FBN2: variants seen among roughly 807,000 people sequenced by gnomAD.
FBN2 encodes fibrillin-2.
Under a neutral mutation model 355.6 loss-of-function variants are expected in FBN2, and 105 were observed. That is an observed-to-expected ratio of 0.30 (90% CI 0.25 to 0.35). FBN2 has a LOEUF of 0.35. FBN2 is among the 10% of genes least tolerant of loss of function. The pLI is 1.00. For missense variants in FBN2, 3,280 were observed against 3,758.7 expected (o/e 0.87, Z 3.33); for synonymous variants, 1,350 against 1,301.2 (o/e 1.04, Z -0.81).
intron 5 of FBN2, among the ~76,000 whole-genome samples, chr5:128,494,548 C>A (rs368769609): frequency 1.1e-3 from 173 of 152,226 alleles, no homozygotes; most frequent in African/African-American, 4.0e-3. Context: ...TGTAAAAAAA[C>A]AATTAAGAAA....
At chr5:128,434,266 T>C (rs1753710441) in intron 7 of FBN2, among the ~76,000 whole-genome samples, 1 of 151,382 alleles carries the variant, frequency 6.6e-6, no homozygotes, top group East Asian at 1.9e-4. Flanking sequence ...TCAAGCATTA[T>C]CACAGCTTTG....
Position 128,313,296 on chromosome 5 carries a change from T to C in FBN2, c.4718-501A>G, listed in dbSNP as rs146124981. Among the ~76,000 whole-genome samples, 6 of 152,308 alleles carry C rather than the reference T, an allele frequency of 3.9e-5. No individual in the cohort carries two copies. The East Asian group carries it at 1.2e-3, about 29-fold the overall frequency. On this transcript the variant is annotated intron_variant, in intron 36 of 64. Transcript: ENST00000262464. ...CATCCAGATCACTCCATTGAGTCTA[T>C]GGGTTTAAATACTACTTTTTTGCTG...
At chr5:128,405,057 G>T (rs1209806932) in intron 8 of FBN2, among the ~76,000 whole-genome samples, 1 of 152,124 alleles carries the variant, frequency 6.6e-6, no homozygotes, top group Non-Finnish European at 1.5e-5. Flanking sequence ...TGTAATCCCA[G>T]TTACTCAGGA....
chr5:128,412,767 T>C (rs1046893790), intron 7 of FBN2, among the ~76,000 whole-genome samples: 7 of 152,186 alleles, frequency 4.6e-5, no homozygotes, highest in Non-Finnish European at 1.0e-4. Context: ...GAATAGTGTC[T>C]ATGAAGGAGT....
chr5:128,417,428 A>T (rs1753234669), intron 7 of FBN2, among the ~76,000 whole-genome samples: 1 of 152,118 alleles, frequency 6.6e-6, no homozygotes, highest in South Asian at 2.1e-4. Context: ...GTCTTATTCC[A>T]GTTCTTCGAG....
intron 36 of FBN2, among the ~76,000 whole-genome samples, chr5:128,317,577 A>C (rs73345205): frequency 6.7e-4 from 102 of 152,218 alleles, no homozygotes; most frequent in African/African-American, 2.4e-3. Flanking sequence ...TCTCCAGGCC[A>C]TTTCCTTCTC....
chr5:128,425,226 A>G (rs998814864), intron 7 of FBN2, among the ~76,000 whole-genome samples: 1 of 152,140 alleles, frequency 6.6e-6, no homozygotes, highest in Non-Finnish European at 1.5e-5. Context: ...TAAGCTTTAC[A>G]GGGGAATATT....
chr5:128,265,018 A>G (rs1377185844), intron 62 of FBN2, among the ~76,000 whole-genome samples: 1 of 152,232 alleles, frequency 6.6e-6, no homozygotes, highest in African/African-American at 2.4e-5. Flanking sequence ...TAATCACTGA[A>G]TATAAAAGAT....
chr5:128,287,076 T>A (rs1468919276), intron 54 of FBN2, among the ~76,000 whole-genome samples: 1 of 152,140 alleles, frequency 6.6e-6, no homozygotes, highest in East Asian at 1.9e-4. Context: ...TTAATAAGAA[T>A]CCAAGAGTGT....
chr5:128,534,717 G>A (rs1428240376), intron 2 of FBN2, among the ~76,000 whole-genome samples: 1 of 152,130 alleles, frequency 6.6e-6, no homozygotes, highest in Non-Finnish European at 1.5e-5. Flanking sequence ...AGTGATCAGT[G>A]GGGCCATACA....
chr5:128,537,305 TC>T (rs1756878738), intron 1 of FBN2, 44 bp downstream of exon 1: 1 of 1,604,082 alleles, frequency 6.2e-7, no homozygotes, highest in Non-Finnish European at 8.5e-7. Flanking sequence ...GATTCCCCCC[TC>T]CCCCAAGCCG....
At chr5:128,367,707 T>A (rs1463863462) in intron 16 of FBN2, among the ~76,000 whole-genome samples, 1 of 152,118 alleles carries the variant, frequency 6.6e-6, no homozygotes, top group East Asian at 1.9e-4. Context: ...TGCTCCAAAA[T>A]GCTTTGTTAT....
chr5:128,510,341 T>C (rs1416872879), intron 5 of FBN2, among the ~76,000 whole-genome samples: 1 of 152,236 alleles, frequency 6.6e-6, no homozygotes, highest in African/African-American at 2.4e-5. Context: ...CTGGGCTGCA[T>C]GAAGCCTGTG....
chr5:128,358,918 C>A (rs1751569713), intron 19 of FBN2, among the ~76,000 whole-genome samples: 1 of 151,950 alleles, frequency 6.6e-6, no homozygotes, highest in Non-Finnish European at 1.5e-5. Context: ...CAAATATCAA[C>A]TATTTAGTTT....
At chr5:128,476,305 T>C (rs190458517) in intron 5 of FBN2, among the ~76,000 whole-genome samples, 144 of 152,204 alleles carry the variant, frequency 9.5e-4, no homozygotes, top group African/African-American at 3.2e-3. Flanking sequence ...ACAATAAATA[T>C]GAATAAGCTT....
chr5:128,323,036 G>A (rs1377505262), intron 34 of FBN2, among the ~76,000 whole-genome samples: 3 of 152,134 alleles, frequency 2.0e-5, no homozygotes, highest in Non-Finnish European at 4.4e-5. Flanking sequence ...TGTAGCAATT[G>A]TGAATGGGAG....
rs255690 is a variant in FBN2, at chr5:128,349,932, C to T, written c.2863+23G>A. 6 of 1,582,512 alleles carry T rather than the reference C, an allele frequency of 3.8e-6. No homozygotes were observed. In the Admixed American group the frequency reaches 5.0e-5, roughly 13 times the overall value. ...TTACTGCTCAAAAGATGTATAGTAT[C>T]TTCCAAGGAAGGATACACTCACCTT... On this transcript the variant is annotated intron_variant, in intron 22 of 64. Transcript: ENST00000262464.
At chr5:128,322,897 C>T (rs547787325) in intron 34 of FBN2, among the ~76,000 whole-genome samples, 1 of 152,296 alleles carries the variant, frequency 6.6e-6, no homozygotes, top group Admixed American at 6.5e-5. Context: ...TTTTTCCTAT[C>T]CATGAGCATG....
chr5:128,354,302 G>A (rs971626953), intron 20 of FBN2, among the ~76,000 whole-genome samples: 6 of 152,164 alleles, frequency 3.9e-5, no homozygotes, highest in Non-Finnish European at 7.3e-5. Context: ...CGCAGGAGCA[G>A]GAAGTAGGCC....
Sources: allele counts gnomAD v4.1 joint callset (sites outside exome capture counted in the v4.1 genomes callset), GRCh38; gene constraint gnomAD v4.1.1; transcripts MANE v1.5; gene names NCBI Gene and HGNC (gene_info 2026-07-23, HGNC 2026-07-21).